PAQR5: variants seen among roughly 807,000 people sequenced by gnomAD.
PAQR5 encodes progestin and adipoQ receptor family member 5.
PAQR5 carries 20 observed loss-of-function variants against 34.5 expected under a neutral mutation model. The ratio of observed to expected loss-of-function variants is 0.58; its 90% CI spans 0.41 to 0.84. The LOEUF (loss-of-function observed/expected upper bound fraction) is 0.84. Among genes scored for constraint, PAQR5 ranks in the 40% least tolerant of loss-of-function variants. PAQR5 has a pLI of 0.00. For missense variants in PAQR5, 378 were observed against 412.7 expected (o/e 0.92, Z 0.73); for synonymous variants, 131 against 155.6 (o/e 0.84, Z 1.18).
chr15:69,312,369 T>C (rs1875712), intron 1 of PAQR5, among the ~76,000 whole-genome samples: 140,930 of 151,984 alleles, frequency 0.93, 66,285 homozygotes, highest in East Asian at 1. Flanking sequence ...CCTAGATGTG[T>C]GTTCCAACCT....
At chr15:69,379,725 T>C (rs1251655333) in intron 3 of PAQR5, 158 bp from the exon 4 acceptor site, 2 of 754,164 alleles carry the variant, frequency 2.7e-6, no homozygotes, top group Non-Finnish European at 3.2e-6. Context: ...TAGAAGCTAC[T>C]GCGAGGGAAG....
Position 69,389,680 on chromosome 15 carries a change from A to C in PAQR5, c.412A>C (p.Thr138Pro). Residue 138 changes from threonine (T) to proline (P), a missense_variant, in exon 6 of 9, where the codon ACG becomes CCG. Coordinates refer to ENST00000395407, the MANE Select transcript of PAQR5 (RefSeq NM_017705.4). ...LGSAIAYSAYTFPDALMCTTF... is the reference protein window; with the variant it reads ...LGSAIAYSAYPFPDALMCTTF... ...CTCAGCCATTGCCTACTCTGCATAC[A>C]CGTTCCCGGATGCGCTCATGTGCAC... The C allele has an allele frequency of 4.3e-6, 7 of 1,614,148 alleles. No homozygotes were observed. Among genetic ancestry groups the C allele is most frequent in the Non-Finnish European group, 5.9e-6 (7 of 1,180,016 alleles).
At chr15:69,377,939 G>C (rs1017925915) in intron 3 of PAQR5, among the ~76,000 whole-genome samples, 2 of 152,084 alleles carry the variant, frequency 1.3e-5, no homozygotes, top group African/African-American at 4.8e-5. Context: ...ATGAGTCTGG[G>C]CATCATAGTG....
chr15:69,378,264 T>TAAAAAAAAAAAAAAAAAA lies in PAQR5; in HGVS notation c.52-1610_52-1593dup, dbSNP rs71149912. On this transcript the variant is annotated intron_variant, in intron 3 of 8. Transcript: ENST00000395407. ...TGGGCAACAAAATGAGACTCCATCT[T>TAAAAAAAAAAAAAAAAAA]AAAAAAAAAAAAAAAAAAAAAAAAA... 2.8e-4 allele frequency among the ~76,000 whole-genome samples: 17 copies of TAAAAAAAAAAAAAAAAAA among 59,688 alleles called. 1 individual carries two copies. Among genetic ancestry groups the TAAAAAAAAAAAAAAAAAA allele is most frequent in the African/African-American group, 1.3e-3 (15 of 11,860 alleles). The allele number at this position is 59,688 out of a possible 152,430, so 39.2% of individuals were successfully genotyped here. A position where few individuals can be genotyped will look rare whatever the true frequency, so the allele number is the denominator to read the frequency against.
intron 3 of PAQR5, among the ~76,000 whole-genome samples, chr15:69,368,346 C>T (rs567878268): frequency 5.9e-5 from 9 of 152,340 alleles, no homozygotes; most frequent in African/African-American, 1.7e-4. Context: ...AGCCACTGTG[C>T]GTCTGCTTTT....
chr15:69,371,542 G>A (rs150372834), intron 3 of PAQR5, among the ~76,000 whole-genome samples: 1 of 152,034 alleles, frequency 6.6e-6, no homozygotes, highest in African/African-American at 2.4e-5. Context: ...AAAACAGTAG[G>A]GTTTTACTTA....
chr15:69,323,704 A>G lies in PAQR5; in HGVS notation c.-276-13637A>G, dbSNP rs116444778. ...CTCATTGTGGGCAAACCCTGTTGTT[A>G]CAGAAAAGGAGAAAGAGTAAAGCAA... On this transcript the variant is annotated intron_variant, in intron 1 of 8. Transcript: ENST00000395407. 1.2e-3 allele frequency among the ~76,000 whole-genome samples: 187 copies of G among 152,372 alleles called. 1 individual carries two copies. The highest frequency in any genetic ancestry group is 4.3e-3 in the African/African-American group (177 of 41,584).
intron 1 of PAQR5, among the ~76,000 whole-genome samples, chr15:69,323,294 T>A (rs1240848933): frequency 6.6e-6 from 1 of 152,234 alleles, no homozygotes; most frequent in African/African-American, 2.4e-5. Context: ...GCCTCTGCCA[T>A]GCTCCCAGTG....
intron 3 of PAQR5, among the ~76,000 whole-genome samples, chr15:69,369,320 G>A (rs962147076): frequency 1.3e-5 from 2 of 152,120 alleles, no homozygotes; most frequent in African/African-American, 4.8e-5. Flanking sequence ...TGGATCACCT[G>A]AGGTCAGGAG....
chr15:69,405,237 G>A lies in PAQR5; in HGVS notation c.*1415G>A, dbSNP rs569979895. On this transcript the variant is annotated 3_prime_UTR_variant, in exon 9 of 9. Coordinates refer to ENST00000395407, the MANE Select transcript of PAQR5 (RefSeq NM_017705.4). ...ATCTGCACTTGGTAATGACTTAGGG[G>A]GGCTTCCTCACAATGCAGGATCCTC... The A allele has an allele frequency of 1.6e-5, 6 of 367,058 alleles. No homozygotes were observed. Among genetic ancestry groups the A allele is most frequent in the African/African-American group, 1.0e-4 (5 of 48,014 alleles). The allele number at this position is 367,058 out of a possible 1,614,324, so 22.7% of individuals were successfully genotyped here.
Position 69,405,709 on chromosome 15 carries a change from G to A in PAQR5, c.*1887G>A, listed in dbSNP as rs1201606387. Reference sequence around the variant, plus strand: ...TCTCCTTTATAGGTAACAAAATAATGTTTAGCTCAGTAAGTACTGAAATAA... The same window carrying A: ...TCTCCTTTATAGGTAACAAAATAATATTTAGCTCAGTAAGTACTGAAATAA... On this transcript the variant is annotated 3_prime_UTR_variant, in exon 9 of 9. Transcript: ENST00000395407. 1 of 152,132 alleles carries A rather than the reference G, an allele frequency of 6.6e-6. No homozygotes were observed. The highest frequency in any genetic ancestry group is 2.4e-5 in the African/African-American group (1 of 41,432). The allele number at this position is 152,132 out of a possible 1,614,324, so 9.4% of individuals were successfully genotyped here.
At chr15:69,397,718 G>A (rs2056491082) in intron 7 of PAQR5, 154 bp downstream of exon 7, 1 of 648,566 alleles carries the variant, frequency 1.5e-6, no homozygotes, top group Non-Finnish European at 2.8e-6. Context: ...CTCCACACCT[G>A]TGGGTATTTC....
At chr15:69,343,554 G>A (rs998573939) in intron 2 of PAQR5, among the ~76,000 whole-genome samples, 1 of 152,158 alleles carries the variant, frequency 6.6e-6, no homozygotes, top group African/African-American at 2.4e-5. Flanking sequence ...TAGTGAGTTT[G>A]GAGAAAGTAA....
At chr15:69,309,771 C>T (rs569811662) in intron 1 of PAQR5, among the ~76,000 whole-genome samples, 61 of 152,144 alleles carry the variant, frequency 4.0e-4, no homozygotes, top group African/African-American at 1.3e-3. Flanking sequence ...GCTTCTTGGC[C>T]AGGTGCGGTG....
chr15:69,379,536 G>A (rs542869989), intron 3 of PAQR5: 104 of 985,406 alleles, frequency 1.1e-4, no homozygotes, highest in African/African-American at 1.0e-3. Flanking sequence ...CCAAAAAGGC[G>A]TCCAAAAACT....
intron 1 of PAQR5, among the ~76,000 whole-genome samples, chr15:69,337,138 G>A (rs1277538344): frequency 6.6e-6 from 1 of 152,174 alleles, no homozygotes; most frequent in Non-Finnish European, 1.5e-5. Context: ...TTTGTTTTCA[G>A]AGTAAAGATT....
At chr15:69,393,385 G>T (rs967481031) in intron 6 of PAQR5, among the ~76,000 whole-genome samples, 13 of 140,476 alleles carry the variant, frequency 9.3e-5, no homozygotes, top group African/African-American at 3.1e-4. Flanking sequence ...GGAGGGTGTG[G>T]GTATCTGGAG....
At chr15:69,398,147 G>A (rs2056507121) in intron 7 of PAQR5, among the ~76,000 whole-genome samples, 1 of 152,198 alleles carries the variant, frequency 6.6e-6, no homozygotes, top group Non-Finnish European at 1.5e-5. Context: ...AGTGCTGACT[G>A]GTAGCAAGAG....
At chr15:69,383,119 C>T (rs143985171) in intron 4 of PAQR5, 1 of 152,334 alleles carries the variant, frequency 6.6e-6, no homozygotes, top group African/African-American at 2.4e-5. Context: ...GACCCCCCAC[C>T]TTCCTAGCAC....
Sources: gnomAD v4.1 joint callset for allele counts (sites outside exome capture counted in the v4.1 genomes callset) on GRCh38, gnomAD v4.1.1 for gene constraint, MANE v1.5 for transcripts, NCBI Gene and HGNC (gene_info 2026-07-23, HGNC 2026-07-21) for gene names.